The following LATS2 variants were observed in gnomAD, a reference collection of about 807,000 sequenced individuals.
LATS2 encodes the protein large tumor suppressor kinase 2.
A neutral mutation model predicts 76.0 loss-of-function variants in LATS2; 24 were observed. The ratio of observed to expected loss-of-function variants is 0.32; its 90% CI spans 0.23 to 0.44. The LOEUF is 0.44. Among genes scored for constraint, LATS2 ranks in the 20% least tolerant of loss-of-function variants. LATS2 has a pLI of 1.00. For missense variants in LATS2, 1,286 were observed against 1,481.2 expected (o/e 0.87, Z 2.16); for synonymous variants, 692 against 635.4 (o/e 1.09, Z -1.34).
chr13:21,030,313 G>T (rs1250612451), intron 2 of LATS2, among the ~76,000 whole-genome samples: 1 of 151,720 alleles, frequency 6.6e-6, no homozygotes, highest in Non-Finnish European at 1.5e-5. Context: ...CTGCTGGCCG[G>T]GCGTGGTGGC....
At chr13:21,027,821 T>C (rs906872340) in intron 2 of LATS2, among the ~76,000 whole-genome samples, 1 of 152,218 alleles carries the variant, frequency 6.6e-6, no homozygotes, top group African/African-American at 2.4e-5. Flanking sequence ...GAGATTGTAT[T>C]TGGATTCTGC....
In LATS2 at chr13:20,973,257, T is replaced by C; in HGVS notation, c.*1613A>G. ...GACTTGAGTATGCCACTCACACAAA[T>C]GTAAACCAGTACACAGGAATCTTTA... On this transcript the variant is annotated 3_prime_UTR_variant, in exon 8 of 8. Coordinates refer to ENST00000382592, the MANE Select transcript of LATS2 (RefSeq NM_014572.3). The C allele has an allele frequency of 4.3e-6, 1 of 232,226 alleles. No homozygotes were observed. The highest frequency in any genetic ancestry group is 8.5e-6 in the Non-Finnish European group (1 of 117,206). The allele number at this position is 232,226 out of a possible 1,614,324, so 14.4% of individuals were successfully genotyped here.
At chr13:21,031,375 T>A (rs1001119862) in intron 2 of LATS2, among the ~76,000 whole-genome samples, 2 of 152,262 alleles carry the variant, frequency 1.3e-5, no homozygotes, top group African/African-American at 4.8e-5. Flanking sequence ...AGATTTCTGT[T>A]CAATTTTTTT....
intron 7 of LATS2, among the ~76,000 whole-genome samples, chr13:20,978,032 C>T (rs1778220430): frequency 6.6e-6 from 1 of 152,096 alleles, no homozygotes; most frequent in Non-Finnish European, 1.5e-5. Context: ...TCTCCTGCCT[C>T]AGCCTCCCAA....
intron 2 of LATS2, among the ~76,000 whole-genome samples, chr13:21,026,520 CT>C (rs1373581896): frequency 1.3e-5 from 2 of 152,170 alleles, no homozygotes; most frequent in Non-Finnish European, 2.9e-5. Flanking sequence ...TTGATGGACA[CT>C]GGGGTTGTTT....
intron 2 of LATS2, among the ~76,000 whole-genome samples, chr13:21,020,146 T>TAAAATATA (rs57935810): frequency 0.4 from 60,305 of 151,388 alleles, 14,511 homozygotes; most frequent in Non-Finnish European, 0.53. Flanking sequence ...TCAGTTCACA[T>TAAAATATA]AAAATATACC....
chr13:21,042,058 T>A (rs7335341), intron 2 of LATS2, among the ~76,000 whole-genome samples: 3,377 of 152,250 alleles, frequency 0.022, 105 homozygotes, highest in African/African-American at 0.074. Flanking sequence ...ATGATACTCA[T>A]AACCAAAAAA....
chr13:21,032,027 G>A (rs1218887151), intron 2 of LATS2, among the ~76,000 whole-genome samples: 1 of 152,120 alleles, frequency 6.6e-6, no homozygotes, highest in Admixed American at 6.6e-5. Context: ...GTGCTGTCTG[G>A]TAAAGCCAAC....
intron 1 of LATS2, among the ~76,000 whole-genome samples, chr13:21,057,644 A>T (rs567848928): frequency 2.3e-3 from 345 of 152,046 alleles, no homozygotes; most frequent in African/African-American, 7.7e-3. Flanking sequence ...GTAAAAAAAA[A>T]AAAAAATTAG....
At chr13:21,041,685 T>G (rs1872886478) in intron 2 of LATS2, among the ~76,000 whole-genome samples, 1 of 152,060 alleles carries the variant, frequency 6.6e-6, no homozygotes, top group Non-Finnish European at 1.5e-5. Flanking sequence ...AGCAGAACCC[T>G]TTCCTAGCAC....
At chr13:21,015,860 C>A (rs1235134656) in intron 2 of LATS2, among the ~76,000 whole-genome samples, 2 of 151,746 alleles carry the variant, frequency 1.3e-5, no homozygotes, top group African/African-American at 2.4e-5. Flanking sequence ...GCATCATGCC[C>A]AGCTAATTTT....
At chr13:21,009,621 T>A (rs994301178) in intron 2 of LATS2, among the ~76,000 whole-genome samples, 1 of 152,262 alleles carries the variant, frequency 6.6e-6, no homozygotes, top group Non-Finnish European at 1.5e-5. Context: ...TTACTATTCT[T>A]AATTTTTCAT....
At chr13:21,028,184 G>C (rs1228317678) in intron 2 of LATS2, among the ~76,000 whole-genome samples, 1 of 152,030 alleles carries the variant, frequency 6.6e-6, no homozygotes, top group African/African-American at 2.4e-5. Context: ...GCGGTGTTTG[G>C]TTTTTTGTCC....
chr13:21,004,570 G>A (rs1005335874), intron 2 of LATS2, among the ~76,000 whole-genome samples: 1 of 152,200 alleles, frequency 6.6e-6, no homozygotes, highest in Admixed American at 6.5e-5. Context: ...GAACTTGCGA[G>A]TGCACACAGC....
chr13:21,027,636 C>A (rs1872358008), intron 2 of LATS2, among the ~76,000 whole-genome samples: 1 of 152,090 alleles, frequency 6.6e-6, no homozygotes, highest in Admixed American at 6.6e-5. Flanking sequence ...TTAGAGACTA[C>A]CCACAATAGT....
chr13:21,048,629 C>T (rs1293800348), intron 1 of LATS2, among the ~76,000 whole-genome samples: 3 of 151,970 alleles, frequency 2.0e-5, no homozygotes, highest in Non-Finnish European at 2.9e-5. Context: ...GTCAGGAGTT[C>T]GAGACCAGCC....
At chr13:21,026,536 T>C (rs931041758) in intron 2 of LATS2, among the ~76,000 whole-genome samples, 2 of 152,230 alleles carry the variant, frequency 1.3e-5, no homozygotes, top group East Asian at 3.8e-4. Flanking sequence ...TTGTTTAGTT[T>C]TTTGCTATTA....
At chr13:20,997,551 T>G (rs775115185) in intron 2 of LATS2, among the ~76,000 whole-genome samples, 21 of 152,200 alleles carry the variant, frequency 1.4e-4, no homozygotes, top group Admixed American at 6.5e-4. Context: ...CAGGCCTCTG[T>G]TGCAGGTACA....
At position 20,988,292 on chromosome 13, in the gene LATS2, G is replaced by A. The variant is rs901898111; in HGVS notation, c.1488C>T (p.Gly496=). The A allele has an allele frequency of 1.9e-6, 3 of 1,574,912 alleles. No individual in the cohort carries two copies. The highest frequency in any genetic ancestry group is 2.6e-6 in the Non-Finnish European group (3 of 1,169,204). The change falls in exon 4 of 8, where the codon GGC becomes GGT. Residue 496 remains glycine, a synonymous_variant. Transcript: ENST00000382592. ...AKEEHALALG[G]AGAFPLDVEY... ...CCACGTCCAGCGGGAAGGCGCCTGC[G>A]CCGCCCAGCGCCAGGGCATGCTCCT...
Sources: allele counts gnomAD v4.1 joint callset (sites outside exome capture counted in the v4.1 genomes callset), GRCh38; gene constraint gnomAD v4.1.1; transcripts MANE v1.5; gene names NCBI Gene and HGNC (gene_info 2026-07-23, HGNC 2026-07-21).